ARHGAP26: variants seen among roughly 807,000 people sequenced by gnomAD.
The protein encoded by ARHGAP26 is Rho GTPase activating protein 26.
ARHGAP26 carries 38 observed loss-of-function variants against 104.8 expected under a neutral mutation model. The observed-to-expected ratio is 0.36, with a 90% CI of 0.28 to 0.48. The LOEUF (loss-of-function observed/expected upper bound fraction) is 0.48, where lower values mean the gene tolerates loss of function less well. ARHGAP26 is among the 20% of genes least tolerant of loss of function. ARHGAP26 has a pLI of 0.99. For synonymous variants in ARHGAP26, 341 were observed against 340.0 expected (o/e 1.00, Z -0.03); for missense variants, 704 against 947.9 (o/e 0.74, Z 3.38).
At chr5:143,217,369 G>GC (rs1402573575) in intron 22 of ARHGAP26, among the ~76,000 whole-genome samples, 6 of 152,140 alleles carry the variant, frequency 3.9e-5, no homozygotes, top group Non-Finnish European at 7.3e-5. Context: ...GTCATCCCTG[G>GC]CCAATCTACT....
At chr5:142,790,304 G>C (rs1173323538) in intron 1 of ARHGAP26, among the ~76,000 whole-genome samples, 3 of 152,062 alleles carry the variant, frequency 2.0e-5, no homozygotes, top group African/African-American at 7.2e-5. Context: ...GCCTATAGTT[G>C]GTGACCACAG....
chr5:142,794,864 T>G (rs1174988238), intron 1 of ARHGAP26, among the ~76,000 whole-genome samples: 4 of 152,214 alleles, frequency 2.6e-5, no homozygotes, highest in Non-Finnish European at 5.9e-5. Flanking sequence ...CCAGAGTCTC[T>G]TTCTCTTTAT....
intron 1 of ARHGAP26, among the ~76,000 whole-genome samples, chr5:142,784,213 A>G (rs1446247214): frequency 6.6e-6 from 1 of 152,236 alleles, no homozygotes; most frequent in Non-Finnish European, 1.5e-5. Context: ...CGTAGCCAGC[A>G]TGCTTGTAAT....
At chr5:143,092,999 C>T (rs543253130) in intron 17 of ARHGAP26, among the ~76,000 whole-genome samples, 13 of 152,334 alleles carry the variant, frequency 8.5e-5, no homozygotes, top group East Asian at 1.9e-4. Context: ...TAGGTCTGCT[C>T]GGACCTTTGT....
intron 17 of ARHGAP26, among the ~76,000 whole-genome samples, chr5:143,119,617 A>G (rs1185236175): frequency 2.0e-5 from 3 of 152,166 alleles, no homozygotes; most frequent in Non-Finnish European, 4.4e-5. Context: ...TGTTTGTAAA[A>G]TATTCTTTAT....
chr5:142,990,902 C>A (rs146227230), intron 11 of ARHGAP26, among the ~76,000 whole-genome samples: 1 of 152,158 alleles, frequency 6.6e-6, no homozygotes, highest in Non-Finnish European at 1.5e-5. Context: ...TTAGGCTACT[C>A]GGGGGTCAGG....
chr5:142,985,784 G>T (rs1181257473), intron 11 of ARHGAP26, among the ~76,000 whole-genome samples: 9 of 151,610 alleles, frequency 5.9e-5, no homozygotes, highest in Non-Finnish European at 1.3e-4. Context: ...GCGATAGTTT[G>T]CTGAGAATGA....
rs182566788 is a variant in ARHGAP26, at chr5:143,214,059, C to T, written c.2162C>T (p.Ser721Leu). ...AAAGCTGAACATGACTCAGAACTTTCGTTCACAGCAGGCACGGTCTTCGAT... is the reference window on the plus strand; with the variant it reads ...AAAGCTGAACATGACTCAGAACTTTTGTTCACAGCAGGCACGGTCTTCGAT... Reference protein sequence around the residue: ...ACKAEHDSELSFTAGTVFDNV... With the variant: ...ACKAEHDSELLFTAGTVFDNV... The change falls in exon 22 of 23, where the codon TCG (serine) becomes TTG (leucine). Residue 721 changes from serine to leucine, a missense_variant. Ser to Leu is a moderately radical substitution (Grantham distance 145). Transcript: ENST00000645722. 3.2e-6 allele frequency: 5 copies of T among 1,586,810 alleles called. No individual in the cohort carries two copies. The highest frequency in any genetic ancestry group is 4.3e-6 in the Non-Finnish European group (5 of 1,163,846).
At chr5:143,071,011 A>G (rs1482831371) in intron 17 of ARHGAP26, among the ~76,000 whole-genome samples, 2 of 152,234 alleles carry the variant, frequency 1.3e-5, no homozygotes, top group African/African-American at 2.4e-5. Context: ...GAATAGCAAA[A>G]GCAGTCCTAA....
At chr5:142,793,986 G>A (rs368614100) in intron 1 of ARHGAP26, among the ~76,000 whole-genome samples, 2 of 152,140 alleles carry the variant, frequency 1.3e-5, no homozygotes, top group South Asian at 2.1e-4. Flanking sequence ...CAATCCAAGC[G>A]GCTTAAACAG....
At chr5:142,884,791 G>A (rs1757480220) in intron 4 of ARHGAP26, among the ~76,000 whole-genome samples, 1 of 152,212 alleles carries the variant, frequency 6.6e-6, no homozygotes, top group African/African-American at 2.4e-5. Context: ...ACCTGCATGT[G>A]ATATTAAGTG....
intron 17 of ARHGAP26, among the ~76,000 whole-genome samples, chr5:143,099,043 G>T (rs1792841361): frequency 6.6e-6 from 1 of 152,138 alleles, no homozygotes; most frequent in Non-Finnish European, 1.5e-5. Context: ...CACAAAGTTT[G>T]ATTTAAAACT....
At chr5:143,144,399 T>C (rs1462168952) in intron 19 of ARHGAP26, among the ~76,000 whole-genome samples, 1 of 133,268 alleles carries the variant, frequency 7.5e-6, no homozygotes, top group Non-Finnish European at 1.7e-5. Flanking sequence ...CATTTTTTCT[T>C]TATTATTATT....
intron 12 of ARHGAP26, among the ~76,000 whole-genome samples, chr5:143,030,779 C>G (rs776941450): frequency 1.3e-5 from 2 of 152,250 alleles, no homozygotes; most frequent in Non-Finnish European, 2.9e-5. Context: ...CACGTGCATG[C>G]ACACACTTCC....
rs1016941261 is a variant in ARHGAP26, at chr5:143,226,534, G to C, written c.*4088G>C. ...ATGCCATGCCAGGAGAAGACAGCTGGTTTCAAATCCCTGCCCCCAGGCAAG... is the reference window on the plus strand; with the variant it reads ...ATGCCATGCCAGGAGAAGACAGCTGCTTTCAAATCCCTGCCCCCAGGCAAG... On this transcript the variant is annotated 3_prime_UTR_variant, in exon 23 of 23. Transcript: ENST00000645722. 5 of 196,158 alleles carry C rather than the reference G, an allele frequency of 2.5e-5. No homozygotes were observed. The highest frequency in any genetic ancestry group is 1.2e-4 in the African/African-American group (5 of 42,850). The allele number at this position is 196,158 out of a possible 1,614,324, so 12.2% of individuals were successfully genotyped here. A position where few individuals can be genotyped will look rare whatever the true frequency, so the allele number is the denominator to read the frequency against.
rs1811751138 is a variant in ARHGAP26, at chr5:143,227,335, G to A, written c.*4889G>A. On this transcript the variant is annotated 3_prime_UTR_variant, in exon 23 of 23. Coordinates refer to ENST00000645722, the MANE Select transcript of ARHGAP26 (RefSeq NM_001135608.3). ...GCCAAAGGAGTTATCTATCATCTCTGGCAAACTTGACAATCATCACTTACC... is the reference window on the plus strand; with the variant it reads ...GCCAAAGGAGTTATCTATCATCTCTAGCAAACTTGACAATCATCACTTACC... 1 of 230,950 alleles carries A rather than the reference G, an allele frequency of 4.3e-6. No homozygotes were observed. Among genetic ancestry groups the A allele is most frequent in the Non-Finnish European group, 8.6e-6 (1 of 116,766 alleles). 14.3% of individuals were successfully genotyped at this position (230,950 alleles called of 1,614,324 possible). A position where few individuals can be genotyped will look rare whatever the true frequency, so the allele number is the denominator to read the frequency against.
intron 17 of ARHGAP26, among the ~76,000 whole-genome samples, chr5:143,060,107 G>A (rs1223362770): frequency 6.6e-6 from 1 of 152,136 alleles, no homozygotes; most frequent in Admixed American, 6.5e-5. Context: ...GTTAACTTGG[G>A]ACAAGAGGTT....
chr5:142,959,958 ATGGG>A (rs1379625541), intron 11 of ARHGAP26, among the ~76,000 whole-genome samples: 3 of 152,224 alleles, frequency 2.0e-5, no homozygotes, highest in Admixed American at 1.3e-4. Context: ...AGGCAACTAT[ATGGG>A]ATTGGTCTGT....
rs1218540359 is a variant in ARHGAP26, at chr5:142,802,683, AT to A, written c.154+31779del. The stretch of plus-strand genomic sequence containing the variant: ...TTGATGAAAAAGTAGGCATTGGCAA[AT>A]TTTTTTTTTTAACAGCTGTATTGAA... On this transcript the variant is annotated intron_variant, in intron 1 of 22. Coordinates refer to ENST00000645722, the MANE Select transcript of ARHGAP26 (RefSeq NM_001135608.3). Among the ~76,000 whole-genome samples the A allele has an allele frequency of 5.5e-3, 818 of 148,920 alleles. 9 individuals carry two copies. The highest frequency in any genetic ancestry group is 0.017 in the African/African-American group (707 of 40,802).
Sources: gnomAD v4.1 joint callset for allele counts (sites outside exome capture counted in the v4.1 genomes callset) on GRCh38, gnomAD v4.1.1 for gene constraint, MANE v1.5 for transcripts, NCBI Gene and HGNC (gene_info 2026-07-23, HGNC 2026-07-21) for gene names.